Variants in STK3 observed in about 807,000 individuals in gnomAD.
STK3 encodes the protein serine/threonine kinase 3.
STK3 carries 41 observed loss-of-function variants against 58.0 expected under a neutral mutation model. The ratio of observed to expected loss-of-function variants is 0.71; its 90% CI spans 0.55 to 0.92. The LOEUF is 0.92. Ranked by LOEUF, STK3 falls within the 40% of genes least tolerant of loss-of-function variation. The pLI is 0.00. For missense variants in STK3, 479 were observed against 602.7 expected (o/e 0.79, Z 2.15); for synonymous variants, 170 against 191.0 (o/e 0.89, Z 0.91).
intron 1 of STK3, among the ~76,000 whole-genome samples, chr8:98,937,930 A>G (rs549319447): frequency 6.6e-6 from 1 of 152,368 alleles, no homozygotes; most frequent in African/African-American, 2.4e-5. Flanking sequence ...GTTAAGAAAT[A>G]GAATCACTGG....
chr8:98,564,919 T>C (rs943633314), intron 8 of STK3, among the ~76,000 whole-genome samples: 1 of 152,134 alleles, frequency 6.6e-6, no homozygotes, highest in South Asian at 2.1e-4. Flanking sequence ...TGGTTCATTA[T>C]TTAGACAAAT....
At chr8:98,353,702 A>G in the STK3 span, among the ~76,000 whole-genome samples, 1 of 152,238 alleles carries the variant, frequency 6.6e-6, no homozygotes, top group Non-Finnish European at 1.5e-5. Context: ...CTATAAAAGC[A>G]TTTCCCAACT....
intron 1 of STK3, among the ~76,000 whole-genome samples, chr8:98,895,404 G>A (rs1425723856): frequency 6.6e-6 from 1 of 152,038 alleles, no homozygotes; most frequent in Non-Finnish European, 1.5e-5. Context: ...TTTTGTCTAT[G>A]TATCTAACAC....
chr8:98,702,318 C>CA (rs1825686784), intron 6 of STK3, among the ~76,000 whole-genome samples: 1 of 152,212 alleles, frequency 6.6e-6, no homozygotes, highest in African/African-American at 2.4e-5. Context: ...TCAGACTTAA[C>CA]ACCTTTGAAA....
At chr8:98,506,816 G>T (rs1824121725) in intron 10 of STK3, among the ~76,000 whole-genome samples, 2 of 152,204 alleles carry the variant, frequency 1.3e-5, no homozygotes, top group Non-Finnish European at 2.9e-5. Context: ...TATTTGGAGG[G>T]ATTGTAGCCC....
downstream of STK3, chr8:98,883,282 G>A (rs74522236): frequency 5.4e-4 from 93 of 172,636 alleles, 1 homozygote; most frequent in African/African-American, 1.9e-3. Flanking sequence ...AGTGCCTCCA[G>A]GCAAGTCTGA....
chr8:98,795,682 C>T (rs1229199505), intron 1 of STK3, among the ~76,000 whole-genome samples: 4 of 152,178 alleles, frequency 2.6e-5, no homozygotes, highest in Non-Finnish European at 5.9e-5. Context: ...TGATAAACTA[C>T]TTGAGTAACG....
At chr8:98,804,443 C>G (rs1332055861) in intron 1 of STK3, among the ~76,000 whole-genome samples, 1 of 152,130 alleles carries the variant, frequency 6.6e-6, no homozygotes, top group Non-Finnish European at 1.5e-5. Context: ...AGAATCAAAC[C>G]AAATAAACCC....
the STK3 span, among the ~76,000 whole-genome samples, chr8:98,350,575 C>T: frequency 6.6e-6 from 1 of 152,142 alleles, no homozygotes; most frequent in Non-Finnish European, 1.5e-5. Flanking sequence ...ATACCTGAGA[C>T]TGGGAAATTT....
chr8:98,700,247 G>A (rs1405928483), intron 6 of STK3, among the ~76,000 whole-genome samples: 6 of 152,294 alleles, frequency 3.9e-5, no homozygotes, highest in Admixed American at 3.3e-4. Context: ...GGAGCGACCC[G>A]ATTTTCCAGG....
At chr8:98,839,426 G>T (rs1256847646) in intron 3 of STK3, among the ~76,000 whole-genome samples, 1 of 152,068 alleles carries the variant, frequency 6.6e-6, no homozygotes, top group Non-Finnish European at 1.5e-5. Flanking sequence ...AGAAGTAAAG[G>T]GAGAAAGACT....
intron 6 of STK3, among the ~76,000 whole-genome samples, chr8:98,681,064 T>C (rs1051427374): frequency 6.6e-6 from 1 of 151,064 alleles, no homozygotes; most frequent in African/African-American, 2.4e-5. Flanking sequence ...AGTGGCATGA[T>C]CTCGGCTCAC....
intron 6 of STK3, among the ~76,000 whole-genome samples, chr8:98,687,302 C>A (rs1824071946): frequency 1.3e-5 from 2 of 152,162 alleles, no homozygotes; most frequent in Admixed American, 6.6e-5. Context: ...TGAAACTGTT[C>A]CACCTCAGTT....
chr8:98,399,821 T>C (rs996639738), downstream of STK3, among the ~76,000 whole-genome samples: 4 of 152,138 alleles, frequency 2.6e-5, no homozygotes, highest in African/African-American at 9.7e-5. Context: ...CAGGAGGCCA[T>C]GGAATGCCAG....
At chr8:98,617,834 G>A (rs1302020092) in intron 6 of STK3, among the ~76,000 whole-genome samples, 1 of 151,948 alleles carries the variant, frequency 6.6e-6, no homozygotes, top group African/African-American at 2.4e-5. Flanking sequence ...GTTTACCAAC[G>A]AAAAAGAGTC....
Position 98,484,079 on chromosome 8 carries a change from T to C in STK3, c.1318-28079A>G, listed in dbSNP as rs1332025224. 1.6e-4 allele frequency among the ~76,000 whole-genome samples: 10 copies of C among 61,122 alleles called. No individual in the cohort carries two copies. In the Admixed American group the frequency reaches 2.4e-3, roughly 15 times the overall value. 40.1% of individuals were successfully genotyped at this position (61,122 alleles called of 152,430 possible). On this transcript the variant is annotated intron_variant, in intron 10 of 10. Coordinates refer to ENST00000419617, the MANE Select transcript of STK3 (RefSeq NM_006281.4). ...TAGTTTCCCAACACATGTGCCACCA[T>C]GACTTAAAGACTTAATACTAAGTCT... is the stretch of plus-strand genomic sequence containing the variant.
chr8:98,657,254 T>A (rs935907026), intron 6 of STK3, among the ~76,000 whole-genome samples: 2 of 152,032 alleles, frequency 1.3e-5, no homozygotes, highest in South Asian at 4.1e-4. Context: ...TGGACACACA[T>A]CAAATCATTC....
intron 6 of STK3, among the ~76,000 whole-genome samples, chr8:98,613,948 G>A (rs920001824): frequency 6.6e-6 from 1 of 152,020 alleles, no homozygotes; most frequent in Admixed American, 6.6e-5. Flanking sequence ...ACCAGAGACA[G>A]AGAGGGACAT....
intron 8 of STK3, among the ~76,000 whole-genome samples, chr8:98,553,144 T>C (rs1811311447): frequency 6.6e-6 from 1 of 152,160 alleles, no homozygotes; most frequent in Non-Finnish European, 1.5e-5. Flanking sequence ...AGACTATATA[T>C]TTAACATACA....
Sources: allele counts gnomAD v4.1 joint callset (sites outside exome capture counted in the v4.1 genomes callset), GRCh38; gene constraint gnomAD v4.1.1; transcripts MANE v1.5; gene names NCBI Gene and HGNC (gene_info 2026-07-23, HGNC 2026-07-21).